The following PCDHGB4 variants were observed in gnomAD, a reference collection of about 807,000 sequenced individuals.
The protein encoded by PCDHGB4 is protocadherin gamma-B4.
Under a neutral mutation model 60.5 loss-of-function variants are expected in PCDHGB4, and 38 were observed. The ratio of observed to expected loss-of-function variants is 0.63; its 90% CI spans 0.48 to 0.82. PCDHGB4 has a LOEUF of 0.82. Ranked by LOEUF, PCDHGB4 falls within the 40% of genes least tolerant of loss-of-function variation. The pLI, the probability that PCDHGB4 is intolerant of heterozygous loss-of-function variation, is 0.00. For synonymous variants in PCDHGB4, 456 were observed against 509.7 expected, an observed-to-expected ratio of 0.89 and a Z score of 1.42; for missense variants, 1,109 against 1,209.6, an observed-to-expected ratio of 0.92 and a Z score of 1.23.
chr5:141,500,883 T>G (rs1250275850), intron 2 of PCDHGB4, among the ~76,000 whole-genome samples: 2 of 97,532 alleles, frequency 2.1e-5, no homozygotes, highest in African/African-American at 1.2e-4. Context: ...TACAATTTTT[T>G]TTTTTTGAGA....
At chr5:141,453,185 C>T (rs2098757478) in intron 1 of PCDHGB4, among the ~76,000 whole-genome samples, 1 of 152,146 alleles carries the variant, frequency 6.6e-6, no homozygotes, top group South Asian at 2.1e-4. Flanking sequence ...ACAATCACAG[C>T]TCACTGCAGC....
rs772807357 is a variant in PCDHGB4, at chr5:141,431,758, C to G, written c.2397+41477C>G. On this transcript the variant is annotated intron_variant, in intron 1 of 3. Transcript: ENST00000519479. This position sits in a 1 kb window ranked among gnomAD's most constrained non-coding sequence, Gnocchi z 4.8. ...CAGGATATTCTGCGCGAGCCAAAGTCCTGATCACTGTTCTGGACGTGAACG... is the reference window on the plus strand; with the variant it reads ...CAGGATATTCTGCGCGAGCCAAAGTGCTGATCACTGTTCTGGACGTGAACG... 2.0e-5 allele frequency: 32 copies of G among 1,614,054 alleles called. No individual in the cohort carries two copies. The highest frequency in any genetic ancestry group is 2.6e-5 in the Non-Finnish European group (31 of 1,180,028).
At position 141,431,574 on chromosome 5, in the gene PCDHGB4, G is replaced by T. The variant is rs1476143491; in HGVS notation, c.2397+41293G>T. The T allele has an allele frequency of 6.2e-7, 1 of 1,614,196 alleles. No homozygotes were observed. Among genetic ancestry groups the T allele is most frequent in the Admixed American group, 1.7e-5 (1 of 60,034 alleles). On this transcript the variant is annotated intron_variant, in intron 1 of 3. Transcript: ENST00000519479. This position sits in a 1 kb window ranked among gnomAD's most constrained non-coding sequence, Gnocchi z 4.8. The stretch of plus-strand genomic sequence containing the variant: ...GTCAACGCTACCGACCCTGACGAAG[G>T]AGTCAATGCGGAAGTGAGGTATTCC...
At chr5:141,428,552 T>TC in intron 1 of PCDHGB4, 2 of 244,422 alleles carry the variant, frequency 8.2e-6, no homozygotes, top group African/African-American at 2.2e-5. Context: ...CCAGAAACAG[T>TC]CCCCCCACAA....
Position 141,491,627 on chromosome 5 carries a change from A to C in PCDHGB4, c.2398-3180A>C. On this transcript the variant is annotated intron_variant, in intron 1 of 3. Transcript: ENST00000519479. The surrounding 1 kb of genome is among the most constrained non-coding windows in gnomAD (Gnocchi z 6.9). ...ACTTTTCTAAGACCCCTCAGCGTTC[A>C]GCAGCCCACAGCTCTGGCGCTGGAG... 6.2e-7 allele frequency: 1 copy of C among 1,613,924 alleles called. No homozygotes were observed. The highest frequency in any genetic ancestry group is 8.5e-7 in the Non-Finnish European group (1 of 1,180,026).
In PCDHGB4 at chr5:141,432,986, G is replaced by A. The variant is rs2097557714; in HGVS notation, c.2397+42705G>A. ...AGCGCCGGCGTCGCACTTTGTGGGC[G>A]TGGACGGGGTGCAGGCTTTCCTGCA... On this transcript the variant is annotated intron_variant, in intron 1 of 3. Transcript: ENST00000519479. This position sits in a 1 kb window ranked among gnomAD's most constrained non-coding sequence, Gnocchi z 6.0. 6 of 1,614,258 alleles carry A rather than the reference G, an allele frequency of 3.7e-6. No individual in the cohort carries two copies. In the Middle Eastern group the frequency reaches 4.9e-4, roughly 133 times the overall value.
In PCDHGB4 at chr5:141,432,075, C is replaced by G. The variant is rs2097446801; in HGVS notation, c.2397+41794C>G. 2 of 1,614,086 alleles carry G rather than the reference C, an allele frequency of 1.2e-6. No individual in the cohort carries two copies. Among genetic ancestry groups the G allele is most frequent in the Non-Finnish European group, 1.7e-6 (2 of 1,180,054 alleles). ...CCCCTATCCACGGAAACTCATATCT[C>G]GCTGAACGTGGCAGACACCAACGAC... On this transcript the variant is annotated intron_variant, in intron 1 of 3. Transcript: ENST00000519479. This position sits in a 1 kb window ranked among gnomAD's most constrained non-coding sequence, Gnocchi z 6.0.
rs762574320 is a variant in PCDHGB4, at chr5:141,485,926, G to A, written c.2398-8881G>A. The A allele has an allele frequency of 2.0e-5, 32 of 1,614,090 alleles. No individual in the cohort carries two copies. Among genetic ancestry groups the A allele is most frequent in the Admixed American group, 1.2e-4 (7 of 60,006 alleles). ...AGCAATCCAGCTACAGGATTAGTGT[G>A]TTGGAGAGCGCACCAGCGGGCATGG... On this transcript the variant is annotated intron_variant, in intron 1 of 3. Transcript: ENST00000519479. The surrounding 1 kb of genome is among the most constrained non-coding windows in gnomAD (Gnocchi z 5.7).
intron 1 of PCDHGB4, among the ~76,000 whole-genome samples, chr5:141,434,495 G>A (rs1414485396): frequency 6.6e-6 from 1 of 152,220 alleles, no homozygotes; most frequent in Non-Finnish European, 1.5e-5. Flanking sequence ...GGCCCGCCCA[G>A]GGCAGAAAAC....
Position 141,510,363 on chromosome 5 carries a change from G to A in PCDHGB4, c.2546-584G>A, listed in dbSNP as rs973832487. Among the ~76,000 whole-genome samples the A allele has an allele frequency of 7.8e-5, 11 of 141,564 alleles. No individual in the cohort carries two copies. In the East Asian group the frequency reaches 1.6e-3, roughly 21 times the overall value. 92.9% of individuals were successfully genotyped at this position (141,564 alleles called of 152,430 possible). The stretch of plus-strand genomic sequence containing the variant: ...CCACACACTTACTAACGGAACTACC[G>A]AATCTCTACTCGTGCCAGGCCTTGC... On this transcript the variant is annotated intron_variant, in intron 3 of 3. Coordinates refer to ENST00000519479, the MANE Select transcript of PCDHGB4 (RefSeq NM_003736.4).
At chr5:141,425,842 T>G (rs2096897830) in intron 1 of PCDHGB4, among the ~76,000 whole-genome samples, 1 of 152,230 alleles carries the variant, frequency 6.6e-6, no homozygotes, top group Non-Finnish European at 1.5e-5. Context: ...TTCTCTTTGC[T>G]GGGTTAATGA....
chr5:141,404,725 G>T, intron 1 of PCDHGB4: 1 of 1,614,098 alleles, frequency 6.2e-7, no homozygotes. Flanking sequence ...TGACCAAGGT[G>T]GTGGCAGTGG....
chr5:141,435,883 C>A (rs1458527952), intron 1 of PCDHGB4, among the ~76,000 whole-genome samples: 1 of 152,020 alleles, frequency 6.6e-6, no homozygotes, highest in African/African-American at 2.4e-5. Flanking sequence ...GATTGGAAAC[C>A]CCTTAGAGAA....
intron 1 of PCDHGB4, chr5:141,433,025 G>A: frequency 6.2e-7 from 1 of 1,614,144 alleles, no homozygotes; most frequent in Non-Finnish European, 8.5e-7. Context: ...CTATTCCCAC[G>A]AGGTTTCCCT....
chr5:141,510,280 A>G (rs1218058358), intron 3 of PCDHGB4, among the ~76,000 whole-genome samples: 1 of 151,892 alleles, frequency 6.6e-6, no homozygotes, highest in Non-Finnish European at 1.5e-5. Context: ...CTTAAAAAAA[A>G]AAAAAAAAAA....
chr5:141,453,302 T>C (rs189741118), intron 1 of PCDHGB4, among the ~76,000 whole-genome samples: 18 of 152,008 alleles, frequency 1.2e-4, no homozygotes, highest in Middle Eastern at 6.8e-3. Flanking sequence ...TTTATTTATT[T>C]ATTTATTTAT....
At chr5:141,452,511 A>G (rs573632978) in intron 1 of PCDHGB4, among the ~76,000 whole-genome samples, 1 of 152,056 alleles carries the variant, frequency 6.6e-6, no homozygotes, top group South Asian at 2.1e-4. Context: ...TTGTACACAC[A>G]CTCCCTCAAA....
chr5:141,432,753 C>G lies in PCDHGB4; in HGVS notation c.2397+42472C>G. ...ACTGTCACGCTCACCGTGGCCGTGGCCGACAGCATCCCCCAAGTCCTGGCG... is the reference window on the plus strand; with the variant it reads ...ACTGTCACGCTCACCGTGGCCGTGGGCGACAGCATCCCCCAAGTCCTGGCG... On this transcript the variant is annotated intron_variant, in intron 1 of 3. Coordinates refer to ENST00000519479, the MANE Select transcript of PCDHGB4 (RefSeq NM_003736.4). The surrounding 1 kb of genome is among the most constrained non-coding windows in gnomAD (Gnocchi z 6.0). 1 of 1,614,138 alleles carries G rather than the reference C, an allele frequency of 6.2e-7. No individual in the cohort carries two copies. The highest frequency in any genetic ancestry group is 8.5e-7 in the Non-Finnish European group (1 of 1,179,996).
chr5:141,497,829 C>T (rs754594104), intron 2 of PCDHGB4, among the ~76,000 whole-genome samples: 147 of 152,160 alleles, frequency 9.7e-4, no homozygotes, highest in Non-Finnish European at 1.8e-3. Flanking sequence ...TGTGATCGCC[C>T]CCGGCCACAA....
Sources: allele counts gnomAD v4.1 joint callset (sites outside exome capture counted in the v4.1 genomes callset), GRCh38; gene constraint gnomAD v4.1.1; non-coding constraint Gnocchi (gnomAD v3.1); transcripts MANE v1.5; gene names NCBI Gene and HGNC (gene_info 2026-07-23, HGNC 2026-07-21).